Variants in CACNA2D3 observed in about 807,000 individuals in gnomAD.
The protein encoded by CACNA2D3 is voltage-dependent calcium channel subunit alpha-2/delta-3.
A neutral mutation model predicts 160.6 loss-of-function variants in CACNA2D3; 60 were observed. The observed-to-expected ratio is 0.37, with a 90% CI of 0.30 to 0.46. CACNA2D3 has a LOEUF of 0.46. Ranked by LOEUF, CACNA2D3 falls within the 20% of genes least tolerant of loss-of-function variation. CACNA2D3 has a pLI of 1.00. For missense variants in CACNA2D3, 1,205 were observed against 1,365.0 expected (o/e 0.88, Z 1.85); for synonymous variants, 558 against 492.9 (o/e 1.13, Z -1.75).
At chr3:54,405,125 T>C (rs1050815453) in intron 4 of CACNA2D3, among the ~76,000 whole-genome samples, 6 of 151,912 alleles carry the variant, frequency 3.9e-5, no homozygotes, top group Non-Finnish European at 8.8e-5. Context: ...TATACTGTAC[T>C]GTACTATACT....
In CACNA2D3 at chr3:54,147,324, C is replaced by T. The variant is rs535085868; in HGVS notation, c.204+23730C>T. Reference sequence around the variant, plus strand: ...GGCCGTCAGCTTGGCACAGAGGAAGCGTTGGCTCTTCTGACTCTAAAAACC... The same window carrying T: ...GGCCGTCAGCTTGGCACAGAGGAAGTGTTGGCTCTTCTGACTCTAAAAACC... On this transcript the variant is annotated intron_variant, in intron 2 of 37. Coordinates refer to ENST00000474759, the MANE Select transcript of CACNA2D3 (RefSeq NM_018398.3). Among the ~76,000 whole-genome samples, 9 of 152,302 alleles carry T rather than the reference C, an allele frequency of 5.9e-5. 1 individual carries two copies. The South Asian group carries it at 8.3e-4, about 14-fold the overall frequency.
chr3:54,352,564 G>A (rs1051573055), intron 3 of CACNA2D3, among the ~76,000 whole-genome samples: 5 of 152,196 alleles, frequency 3.3e-5, no homozygotes, highest in African/African-American at 1.2e-4. Flanking sequence ...AGCAGCTCCT[G>A]AGGTTTGGAA....
chr3:54,579,567 G>A (rs146527357), intron 8 of CACNA2D3, among the ~76,000 whole-genome samples: 129 of 152,190 alleles, frequency 8.5e-4, no homozygotes, highest in Non-Finnish European at 1.7e-3. Context: ...ATGAAAGGTC[G>A]TGTCCAACAA....
chr3:54,838,766 G>C (rs1698750369), intron 16 of CACNA2D3, 118 bp downstream of exon 16: 4 of 757,710 alleles, frequency 5.3e-6, no homozygotes, highest in Non-Finnish European at 9.3e-6. Context: ...CACTATTACA[G>C]CCTGTTAGCT....
intron 3 of CACNA2D3, among the ~76,000 whole-genome samples, chr3:54,334,161 A>G (rs1704326046): frequency 2.0e-5 from 3 of 149,202 alleles, no homozygotes; most frequent in African/African-American, 7.4e-5. Flanking sequence ...ATCTCGGCTC[A>G]CTGCAACCTC....
chr3:54,265,296 C>T (rs533074687), intron 2 of CACNA2D3, among the ~76,000 whole-genome samples: 183 of 152,194 alleles, frequency 1.2e-3, no homozygotes, highest in African/African-American at 3.8e-3. Flanking sequence ...GAACAGAAAA[C>T]CAAACACCAC....
intron 4 of CACNA2D3, among the ~76,000 whole-genome samples, chr3:54,413,660 T>C (rs1386580246): frequency 6.6e-6 from 1 of 151,502 alleles, no homozygotes; most frequent in Non-Finnish European, 1.5e-5. Context: ...AACTTTTTCT[T>C]CTGTACTCTC....
Position 54,951,798 on chromosome 3 carries a change from G to A in CACNA2D3, c.2450-16652G>A, listed in dbSNP as rs79101625. Among the ~76,000 whole-genome samples, 1,241 of 152,322 alleles carry A rather than the reference G, an allele frequency of 8.1e-3. 35 individuals are homozygous for A. Among genetic ancestry groups the A allele is most frequent in the East Asian group, 0.048 (247 of 5,178 alleles). On this transcript the variant is annotated intron_variant, in intron 27 of 37. Coordinates refer to ENST00000474759, the MANE Select transcript of CACNA2D3 (RefSeq NM_018398.3). ...ACACAGGGTGGGTTCCTGGCCCAGA[G>A]TGGGCCCTCAGTAATTCTATTTTCT...
chr3:54,936,298 T>TA (rs1317498253), intron 27 of CACNA2D3, among the ~76,000 whole-genome samples: 2 of 152,222 alleles, frequency 1.3e-5, no homozygotes, highest in Non-Finnish European at 2.9e-5. Context: ...ACAGGCAAGT[T>TA]AAATGCAAAG....
At chr3:54,798,200 A>G (rs977311863) in intron 13 of CACNA2D3, among the ~76,000 whole-genome samples, 2 of 152,192 alleles carry the variant, frequency 1.3e-5, no homozygotes, top group South Asian at 2.1e-4. Flanking sequence ...TGTTAAAGCT[A>G]TTTTACCCCA....
At chr3:54,550,091 C>T (rs1702131575) in intron 5 of CACNA2D3, among the ~76,000 whole-genome samples, 1 of 152,132 alleles carries the variant, frequency 6.6e-6, no homozygotes, top group East Asian at 1.9e-4. Flanking sequence ...TCCCCCCGCC[C>T]CCACAGAGCA....
chr3:54,420,893 C>G (rs946138831), intron 4 of CACNA2D3, among the ~76,000 whole-genome samples: 3 of 152,146 alleles, frequency 2.0e-5, no homozygotes, highest in African/African-American at 4.8e-5. Flanking sequence ...CCACATTTTT[C>G]TTTGATCTGG....
At chr3:54,837,355 T>G in intron 15 of CACNA2D3, 125 bp downstream of exon 15, 1 of 778,022 alleles carries the variant, frequency 1.3e-6, no homozygotes, top group Non-Finnish European at 2.2e-6. Context: ...TCCTTATTGT[T>G]TGATCTTGCT....
At chr3:54,357,690 A>G (rs1698673191) in intron 3 of CACNA2D3, among the ~76,000 whole-genome samples, 2 of 152,260 alleles carry the variant, frequency 1.3e-5, no homozygotes, top group Non-Finnish European at 2.9e-5. Flanking sequence ...AGGTGAATGG[A>G]TAGGCAAACG....
intron 4 of CACNA2D3, among the ~76,000 whole-genome samples, chr3:54,469,527 A>T (rs567864575): frequency 6.6e-6 from 1 of 150,898 alleles, no homozygotes; most frequent in East Asian, 1.9e-4. Context: ...CTTCTCCTCC[A>T]AAGGATCACA....
At chr3:54,774,468 GA>G (rs1307866930) in intron 13 of CACNA2D3, among the ~76,000 whole-genome samples, 2 of 151,896 alleles carry the variant, frequency 1.3e-5, no homozygotes, top group African/African-American at 2.4e-5. Flanking sequence ...ACTCTCAGGA[GA>G]ACAGCAAGGG....
chr3:54,386,035 A>G (rs778062982), intron 3 of CACNA2D3: 2 of 475,228 alleles, frequency 4.2e-6, no homozygotes, highest in Admixed American at 4.7e-5. Flanking sequence ...TAATTATCTA[A>G]ATGAAGGCAT....
chr3:54,386,830 GTACCAGGTA>G, intron 4 of CACNA2D3, 56 bp downstream of exon 4: 1 of 1,454,622 alleles, frequency 6.9e-7, no homozygotes, highest in Non-Finnish European at 9.4e-7. Flanking sequence ...CAAAGGACAA[GTACCAGGTA>G]TACCAGGAAT....
At chr3:54,559,202 C>T (rs566767302) in intron 5 of CACNA2D3, among the ~76,000 whole-genome samples, 1 of 152,168 alleles carries the variant, frequency 6.6e-6, no homozygotes. Flanking sequence ...CACAGAGCAT[C>T]CTCAGTGACC....
Sources: gnomAD v4.1 joint callset for allele counts (sites outside exome capture counted in the v4.1 genomes callset) on GRCh38, gnomAD v4.1.1 for gene constraint, MANE v1.5 for transcripts, NCBI Gene and HGNC (gene_info 2026-07-23, HGNC 2026-07-21) for gene names.